PDS5A: variants seen among roughly 807,000 people sequenced by gnomAD.
The protein encoded by PDS5A is sister chromatid cohesion protein PDS5 homolog A.
In PDS5A, 42 loss-of-function variants were observed where a neutral mutation model predicts 167.1. That is an observed-to-expected ratio of 0.25 (90% confidence interval 0.20 to 0.33). PDS5A has a LOEUF of 0.33. Among genes scored for constraint, PDS5A ranks in the 10% least tolerant of loss-of-function variants. The pLI is 1.00. For synonymous variants in PDS5A, 553 were observed against 554.6 expected (o/e 1.00, Z 0.04); for missense variants, 1,033 against 1,605.9 (o/e 0.64, Z 6.10).
At chr4:39,854,213 G>A (rs1718350771) in intron 26 of PDS5A, among the ~76,000 whole-genome samples, 1 of 152,178 alleles carries the variant, frequency 6.6e-6, no homozygotes, top group Non-Finnish European at 1.5e-5. Flanking sequence ...TAAGGCAGGA[G>A]AATCACTTGA....
At chr4:39,875,478 C>T (rs1720387738) in intron 19 of PDS5A, among the ~76,000 whole-genome samples, 1 of 151,956 alleles carries the variant, frequency 6.6e-6, no homozygotes, top group Admixed American at 6.6e-5. Flanking sequence ...AGAGAAGAGC[C>T]TATTTTATAA....
chr4:39,939,489 A>ATT (rs202053828), intron 2 of PDS5A, among the ~76,000 whole-genome samples: 1 of 150,192 alleles, frequency 6.7e-6, no homozygotes, highest in South Asian at 2.1e-4. Flanking sequence ...GAAAAAAAAA[A>ATT]TTTTTTTTAA....
At chr4:39,972,290 G>GGT (rs1459094608) in intron 2 of PDS5A, among the ~76,000 whole-genome samples, 1 of 152,190 alleles carries the variant, frequency 6.6e-6, no homozygotes, top group Non-Finnish European at 1.5e-5. Context: ...GGGAGGCCGA[G>GGT]GTGGGCGGAT....
chr4:39,852,083 T>G (rs1213600770), intron 26 of PDS5A, among the ~76,000 whole-genome samples: 1 of 152,192 alleles, frequency 6.6e-6, no homozygotes, highest in Admixed American at 6.5e-5. Flanking sequence ...AAAGTATGAT[T>G]GTCTTGTGAT....
chr4:39,976,417 T>C lies in PDS5A; in HGVS notation c.138+23A>G, dbSNP rs778756360. The C allele has an allele frequency of 1.9e-6, 3 of 1,601,934 alleles. No individual in the cohort carries two copies. The African/African-American group carries it at 4.0e-5, about 21-fold the overall frequency. On this transcript the variant is annotated intron_variant, in intron 2 of 32. Transcript: ENST00000303538. ...GAGAAAGCGCCTTCTACCAAAGACA[T>C]CAAAATCCGTCCAGACACTTACCTT...
chr4:39,826,226 A>T (rs1262565312), intron 32 of PDS5A, among the ~76,000 whole-genome samples: 2 of 150,332 alleles, frequency 1.3e-5, no homozygotes, highest in African/African-American at 4.9e-5. Context: ...ATAGGGAGGG[A>T]AATTCTGATC....
intron 2 of PDS5A, among the ~76,000 whole-genome samples, chr4:39,965,852 T>C (rs1578843195): frequency 1.3e-5 from 2 of 152,208 alleles, no homozygotes; most frequent in South Asian, 2.1e-4. Flanking sequence ...ATTCTGGAGA[T>C]GAATGGTGGT....
At chr4:39,847,856 T>C (rs1329266919) in intron 28 of PDS5A, 1 of 152,184 alleles carries the variant, frequency 6.6e-6, no homozygotes, top group Non-Finnish European at 1.5e-5. Flanking sequence ...TGGTATGGGT[T>C]ATGGGTCATG....
chr4:39,917,040 A>T lies in PDS5A; in HGVS notation c.876+8T>A. 1 of 1,432,988 alleles carries T rather than the reference A, an allele frequency of 7.0e-7. No individual in the cohort carries two copies. The highest frequency in any genetic ancestry group is 9.2e-7 in the Non-Finnish European group (1 of 1,092,300). 88.8% of individuals were successfully genotyped at this position (1,432,988 alleles called of 1,614,324 possible). A position where few individuals can be genotyped will look rare whatever the true frequency, so the allele number is the denominator to read the frequency against. On this transcript the variant is annotated splice_region_variant and intron_variant, in intron 8 of 32. Coordinates refer to ENST00000303538, the MANE Select transcript of PDS5A (RefSeq NM_001100399.2). ...TAAAAAAAAAAAAAGAAAACTGGTCAATCTTACCTTTAGTTTGAATTCAAG... is the reference window on the plus strand; with the variant it reads ...TAAAAAAAAAAAAAGAAAACTGGTCTATCTTACCTTTAGTTTGAATTCAAG...
chr4:39,952,606 A>G (rs1728518557), intron 2 of PDS5A, among the ~76,000 whole-genome samples: 2 of 152,086 alleles, frequency 1.3e-5, no homozygotes, highest in South Asian at 4.1e-4. Context: ...CTGTGATAAT[A>G]CCAGCTGAAA....
chr4:39,973,735 A>G (rs1452452683), intron 2 of PDS5A: 4 of 1,285,426 alleles, frequency 3.1e-6, no homozygotes, highest in Non-Finnish European at 4.5e-6. Flanking sequence ...TATGCAGAGA[A>G]TGGCAAGTGT....
At chr4:39,934,289 G>C (rs987083522) in intron 2 of PDS5A, among the ~76,000 whole-genome samples, 3 of 152,148 alleles carry the variant, frequency 2.0e-5, no homozygotes, top group African/African-American at 7.2e-5. Context: ...AATTAAGGGT[G>C]CTCTTCCAGC....
chr4:39,952,262 C>G (rs948548613), intron 2 of PDS5A, among the ~76,000 whole-genome samples: 1 of 152,108 alleles, frequency 6.6e-6, no homozygotes, highest in South Asian at 2.1e-4. Context: ...ACCCGGGAAG[C>G]GGAGGTTGCA....
intron 16 of PDS5A, among the ~76,000 whole-genome samples, chr4:39,895,529 C>G (rs1019196579): frequency 6.6e-6 from 1 of 152,196 alleles, no homozygotes; most frequent in Non-Finnish European, 1.5e-5. Flanking sequence ...GCAAGTTGAT[C>G]TGGGTAAGTC....
intron 22 of PDS5A, among the ~76,000 whole-genome samples, chr4:39,867,542 T>G: frequency 8.0e-6 from 1 of 125,360 alleles, no homozygotes; most frequent in African/African-American, 3.0e-5. Context: ...AAAAACCCCG[T>G]CTCTACTAAA....
chr4:39,947,134 T>G (rs1349826830), intron 2 of PDS5A, among the ~76,000 whole-genome samples: 1 of 151,926 alleles, frequency 6.6e-6, no homozygotes, highest in East Asian at 1.9e-4. Flanking sequence ...TTCTATACAC[T>G]TGGAATGAAT....
intron 31 of PDS5A, among the ~76,000 whole-genome samples, chr4:39,840,884 A>G (rs1716939628): frequency 6.6e-6 from 1 of 151,690 alleles, no homozygotes; most frequent in Non-Finnish European, 1.5e-5. Flanking sequence ...CCTCTTGAGT[A>G]GCTGGGATTA....
chr4:39,938,071 A>C (rs563628902), intron 2 of PDS5A, among the ~76,000 whole-genome samples: 2 of 152,368 alleles, frequency 1.3e-5, no homozygotes, highest in South Asian at 2.1e-4. Flanking sequence ...CAAATAAGGC[A>C]AACACTGAGC....
At chr4:39,893,187 C>T (rs551273010) in intron 16 of PDS5A, among the ~76,000 whole-genome samples, 49 of 152,232 alleles carry the variant, frequency 3.2e-4, no homozygotes, top group African/African-American at 9.1e-4. Context: ...TAAACTATGA[C>T]GCACAGCTGA....
Sources: allele counts gnomAD v4.1 joint callset (sites outside exome capture counted in the v4.1 genomes callset), GRCh38; gene constraint gnomAD v4.1.1; transcripts MANE v1.5; gene names NCBI Gene and HGNC (gene_info 2026-07-23, HGNC 2026-07-21).